CCDC3: variants seen among roughly 807,000 people sequenced by gnomAD.
CCDC3 encodes coiled-coil domain containing 3.
A neutral mutation model predicts 21.4 loss-of-function variants in CCDC3; 24 were observed. The observed-to-expected ratio is 1.12, with a 90% CI of 0.81 to 1.58. The LOEUF is 1.58. Among genes scored for constraint, CCDC3 ranks in the 40% most tolerant of loss-of-function variants. The probability of loss-of-function intolerance (pLI) is 0.00; values close to 1 mark genes in which losing one functional copy is unlikely to be tolerated. For synonymous variants in CCDC3, 186 were observed against 166.0 expected, an observed-to-expected ratio of 1.12 and a Z score of -0.93; for missense variants, 425 against 360.9, an observed-to-expected ratio of 1.18 and a Z score of -1.44.
intron 2 of CCDC3, among the ~76,000 whole-genome samples, chr10:12,919,364 C>T (rs1335471930): frequency 3.3e-5 from 5 of 152,068 alleles, no homozygotes; most frequent in East Asian, 1.9e-4. Flanking sequence ...CTGAGGCCGG[C>T]GGATCACTTG....
rs1466794827 is a variant in CCDC3 at position 12,970,260 on chromosome 10, G to A, written c.549+28078C>T. On this transcript the variant is annotated intron_variant, in intron 2 of 2. Coordinates refer to ENST00000378825, the MANE Select transcript of CCDC3 (RefSeq NM_031455.4). ...GTTTACAAAATCTACTGCATATCGC[G>A]GCAACTACAGTCAATAACACTATTA... 5.9e-5 allele frequency among the ~76,000 whole-genome samples: 9 copies of A among 152,156 alleles called. No homozygotes were observed. The South Asian group carries it at 8.3e-4, about 14-fold the overall frequency.
chr10:13,002,723 A>G (rs556126812), upstream of CCDC3, among the ~76,000 whole-genome samples: 2 of 152,312 alleles, frequency 1.3e-5, no homozygotes, highest in African/African-American at 4.8e-5. Flanking sequence ...TTAGTCTCCC[A>G]GGGCTGCCAT....
intron 2 of CCDC3, among the ~76,000 whole-genome samples, chr10:12,992,042 C>T (rs1264839385): frequency 1.4e-5 from 2 of 147,404 alleles, no homozygotes; most frequent in African/African-American, 2.5e-5. Flanking sequence ...GTGTCAAAGA[C>T]GGTGGTAATA....
chr10:12,969,983 C>T (rs1357653726), intron 2 of CCDC3, among the ~76,000 whole-genome samples: 3 of 151,974 alleles, frequency 2.0e-5, no homozygotes, highest in African/African-American at 7.3e-5. Flanking sequence ...TTTAATGAAG[C>T]CATTTTAATT....
At chr10:13,050,426 C>T (rs1836589245) in intron 4 of CCDC3, among the ~76,000 whole-genome samples, 1 of 150,662 alleles carries the variant, frequency 6.6e-6, no homozygotes, top group Non-Finnish European at 1.5e-5. Flanking sequence ...TTAGAGAAAA[C>T]TGGTAATAGT....
At position 12,900,522 on chromosome 10, in the gene CCDC3, CAAAA is replaced by C. The variant is rs10716235; in HGVS notation, c.550-1847_550-1844del. Among the ~76,000 whole-genome samples the C allele has an allele frequency of 5.7e-3, 434 of 75,850 alleles. 5 individuals carry two copies. The highest frequency in any genetic ancestry group is 0.021 in the African/African-American group (356 of 17,144). 49.8% of individuals were successfully genotyped at this position (75,850 alleles called of 152,430 possible). A position where few individuals can be genotyped will look rare whatever the true frequency, so the allele number is the denominator to read the frequency against. ...TGAAACCCCATTTCTACTAAAAATA[CAAAA>C]AAAAAAAAAAAAAAAAAAGCCGGGC... On this transcript the variant is annotated intron_variant, in intron 2 of 2. Transcript: ENST00000378825.
chr10:12,998,304 T>C (rs1323835633), intron 2 of CCDC3, 34 bp downstream of exon 2: 7 of 1,602,616 alleles, frequency 4.4e-6, no homozygotes, highest in Non-Finnish European at 6.0e-6. Flanking sequence ...TATACTATTG[T>C]TTTGCTGTGG....
At chr10:13,010,376 G>T (rs149825480) in intron 5 of CCDC3, among the ~76,000 whole-genome samples, 1 of 152,066 alleles carries the variant, frequency 6.6e-6, no homozygotes, top group South Asian at 2.1e-4. Flanking sequence ...ATGAAAAAAC[G>T]CTCAAAGTCA....
chr10:12,949,819 A>C (rs2131247042), intron 2 of CCDC3, among the ~76,000 whole-genome samples: 1 of 152,318 alleles, frequency 6.6e-6, no homozygotes, highest in South Asian at 2.1e-4. Flanking sequence ...CTTCTAAGGA[A>C]GCAAATGGTA....
At chr10:13,042,408 G>A (rs1195463711) in intron 5 of CCDC3, among the ~76,000 whole-genome samples, 1 of 152,260 alleles carries the variant, frequency 6.6e-6, no homozygotes, top group Non-Finnish European at 1.5e-5. Flanking sequence ...ACCGCCACAG[G>A]ACAGTTTCCA....
At chr10:13,066,981 A>G (rs972273781) in intron 4 of CCDC3, among the ~76,000 whole-genome samples, 1 of 152,170 alleles carries the variant, frequency 6.6e-6, no homozygotes, top group Non-Finnish European at 1.5e-5. Flanking sequence ...TAGCTGAACT[A>G]AGGAGCAAAA....
intron 5 of CCDC3, among the ~76,000 whole-genome samples, chr10:13,025,527 T>C (rs1020132020): frequency 4.6e-5 from 7 of 152,236 alleles, no homozygotes; most frequent in African/African-American, 1.4e-4. Context: ...GGCGCAATTG[T>C]CATTATAAAA....
intron 2 of CCDC3, among the ~76,000 whole-genome samples, chr10:12,918,916 A>C (rs1001782933): frequency 6.6e-6 from 1 of 152,118 alleles, no homozygotes; most frequent in Non-Finnish European, 1.5e-5. Context: ...TTAGCCATGC[A>C]TGGTGGTGGG....
chr10:12,942,754 T>C (rs35101063), intron 2 of CCDC3, among the ~76,000 whole-genome samples: 19,582 of 152,152 alleles, frequency 0.13, 1,354 homozygotes, highest in African/African-American at 0.19. Context: ...CCTCAAGCTC[T>C]TCTATAAAAC....
intron 5 of CCDC3, among the ~76,000 whole-genome samples, chr10:13,034,703 A>AAACAAACAAACC (rs1160215775): frequency 2.8e-5 from 1 of 36,132 alleles, no homozygotes; most frequent in Non-Finnish European, 6.7e-5. Context: ...TCACTGTAAA[A>AAACAAACAAACC]AACAAACAAA....
intron 5 of CCDC3, among the ~76,000 whole-genome samples, chr10:13,043,022 T>C (rs1008551612): frequency 6.6e-6 from 1 of 152,122 alleles, no homozygotes; most frequent in South Asian, 2.1e-4. Context: ...ATATAACTTC[T>C]GGTAATTGCA....
In CCDC3 at chr10:13,007,966, G is replaced by A. The variant is rs17152651; in HGVS notation, c.-1-9454C>T. Among the ~76,000 whole-genome samples the A allele has an allele frequency of 4.8e-3, 729 of 152,290 alleles. 1 individual carries two copies. Among genetic ancestry groups the A allele is most frequent in the African/African-American group, 0.016 (681 of 41,566 alleles). ...GAGCTTCTGTCTGGGGCTTCCTACT[G>A]CAGGTGTGAACCACAAGGGGTGAGG... On this transcript the variant is annotated intron_variant, in intron 5 of 6. Transcript: ENST00000378839.
chr10:12,953,247 G>A (rs1353757396), intron 2 of CCDC3, among the ~76,000 whole-genome samples: 1 of 152,114 alleles, frequency 6.6e-6, no homozygotes, highest in Non-Finnish European at 1.5e-5. Context: ...CAGATCTCAT[G>A]AGACTTATTC....
intron 3 of CCDC3, among the ~76,000 whole-genome samples, chr10:13,075,952 A>G (rs571975393): frequency 6.6e-6 from 1 of 152,322 alleles, no homozygotes; most frequent in South Asian, 2.1e-4. Flanking sequence ...AATCCCAGAT[A>G]TCCAAAGGCT....
Sources: gnomAD v4.1 joint callset for allele counts (sites outside exome capture counted in the v4.1 genomes callset) on GRCh38, gnomAD v4.1.1 for gene constraint, MANE v1.5 for transcripts, NCBI Gene and HGNC (gene_info 2026-07-23, HGNC 2026-07-21) for gene names.